UQCC1: variants seen among roughly 807,000 people sequenced by gnomAD.
The protein encoded by UQCC1 is ubiquinol-cytochrome c reductase complex assembly factor 1.
In UQCC1, 38 loss-of-function variants were observed where a neutral mutation model predicts 48.0. The ratio of observed to expected loss-of-function variants is 0.79; its 90% CI spans 0.61 to 1.04. UQCC1 has a LOEUF of 1.04. Among genes scored for constraint, UQCC1 ranks in the 50% least tolerant of loss-of-function variants. The pLI, the probability that UQCC1 is intolerant of heterozygous loss-of-function variation, is 0.00. For synonymous variants in UQCC1, 111 were observed against 129.2 expected (o/e 0.86, Z 0.95); for missense variants, 368 against 381.8 (o/e 0.96, Z 0.30).
intron 6 of UQCC1, among the ~76,000 whole-genome samples, chr20:35,356,453 A>G (rs1197416177): frequency 1.3e-5 from 2 of 152,252 alleles, no homozygotes; most frequent in Non-Finnish European, 2.9e-5. Flanking sequence ...AGAAAGAAAA[A>G]AAAAACTTAA....
At chr20:35,383,486 G>C (rs903462714) in intron 3 of UQCC1, among the ~76,000 whole-genome samples, 2 of 152,112 alleles carry the variant, frequency 1.3e-5, no homozygotes, top group Non-Finnish European at 1.5e-5. Context: ...GAGGTGGGAG[G>C]ATCACCTAAG....
chr20:35,306,091 A>G (rs2060925448), intron 9 of UQCC1, among the ~76,000 whole-genome samples: 1 of 152,120 alleles, frequency 6.6e-6, no homozygotes, highest in African/African-American at 2.4e-5. Flanking sequence ...CTATGTGGGT[A>G]AGCAGCCCCC....
At chr20:35,356,013 A>G (rs1157666345) in intron 6 of UQCC1, among the ~76,000 whole-genome samples, 9 of 151,760 alleles carry the variant, frequency 5.9e-5, no homozygotes, top group Non-Finnish European at 1.3e-4. Context: ...CCTCCCAAGT[A>G]GCTGGGACTT....
At chr20:35,373,537 G>C (rs1317780057) in intron 5 of UQCC1, among the ~76,000 whole-genome samples, 3 of 152,100 alleles carry the variant, frequency 2.0e-5, no homozygotes, top group Admixed American at 6.6e-5. Flanking sequence ...AAATTAGCTG[G>C]GTATGGTGGC....
chr20:35,385,933 C>CACAG (rs945115630), intron 2 of UQCC1, among the ~76,000 whole-genome samples: 4 of 151,040 alleles, frequency 2.6e-5, no homozygotes, highest in Non-Finnish European at 4.4e-5. Flanking sequence ...CCCCCACATG[C>CACAG]ACAGCCTCCC....
intron 1 of UQCC1, among the ~76,000 whole-genome samples, chr20:35,401,446 A>G (rs983793374): frequency 6.6e-6 from 1 of 152,162 alleles, no homozygotes; most frequent in Non-Finnish European, 1.5e-5. Flanking sequence ...CAGTATGAAA[A>G]CTGAAACAAG....
rs45459995 is a variant in UQCC1, at chr20:35,411,875, C to A, written c.24+65G>T. ...TGCGATTCCTTCCAATTCCTCCCGC[C>A]CTGCCTTGTCGAACTCCAACCCGGG... On this transcript the variant is annotated intron_variant, in intron 1 of 9. Coordinates refer to ENST00000374385, the MANE Select transcript of UQCC1 (RefSeq NM_018244.5). 3.1e-3 allele frequency: 4,965 copies of A among 1,606,732 alleles called. 7 individuals are homozygous for A. The highest frequency in any genetic ancestry group is 3.8e-3 in the Non-Finnish European group (4,506 of 1,173,468).
At chr20:35,329,844 T>C (rs970010512) in intron 7 of UQCC1, among the ~76,000 whole-genome samples, 53 of 152,352 alleles carry the variant, frequency 3.5e-4, no homozygotes, top group African/African-American at 1.3e-3. Context: ...CTGTATGTCT[T>C]ACTACTGCAA....
At chr20:35,367,883 C>T (rs972873815) in intron 5 of UQCC1, among the ~76,000 whole-genome samples, 1 of 152,146 alleles carries the variant, frequency 6.6e-6, no homozygotes, top group South Asian at 2.1e-4. Context: ...CCAGAAATGA[C>T]AAAACTGGGA....
At chr20:35,320,195 C>CT (rs1199135201) in intron 7 of UQCC1, among the ~76,000 whole-genome samples, 1 of 152,236 alleles carries the variant, frequency 6.6e-6, no homozygotes, top group Non-Finnish European at 1.5e-5. Flanking sequence ...AGTCTGCCCT[C>CT]TCCCCCATCT....
rs755944243 is a variant in UQCC1 at position 35,304,049 on chromosome 20, C to G, written c.786G>C (p.Met262Ile). Residue 262 changes from methionine to isoleucine, a missense_variant, in exon 10 of 10, where the codon ATG becomes ATC. By Grantham distance (10) the Met-to-Ile change is conservative. Coordinates refer to ENST00000374385, the MANE Select transcript of UQCC1 (RefSeq NM_018244.5). ...CTGTCAGAAGCAGATCCTCCCCGTT[C>G]ATGGAGTCCAGGTACTGTATCTGCA... ...VRKQIQYLDSMNGEDLLLTGE... is the reference protein window; with the variant it reads ...VRKQIQYLDSINGEDLLLTGE... 6.2e-7 allele frequency: 1 copy of G among 1,614,140 alleles called. No homozygotes were observed. The highest frequency in any genetic ancestry group is 8.5e-7 in the Non-Finnish European group (1 of 1,180,000).
At chr20:35,328,480 C>A (rs1364885311) in intron 7 of UQCC1, among the ~76,000 whole-genome samples, 1 of 152,176 alleles carries the variant, frequency 6.6e-6, no homozygotes, top group Non-Finnish European at 1.5e-5. Flanking sequence ...CCTCACAATG[C>A]TACAAGCGAT....
chr20:35,383,979 T>C (rs2061907040), intron 3 of UQCC1, 59 bp downstream of exon 3: 8 of 1,484,504 alleles, frequency 5.4e-6, no homozygotes, highest in Middle Eastern at 1.8e-4. Context: ...TTTGTTGAGA[T>C]CCAAAGAACA....
chr20:35,318,374 C>T (rs2061086423), intron 7 of UQCC1, among the ~76,000 whole-genome samples: 1 of 152,196 alleles, frequency 6.6e-6, no homozygotes, highest in African/African-American at 2.4e-5. Context: ...ATCTGCAGGG[C>T]ATTTCCAGAG....
Position 35,314,750 on chromosome 20 carries a change from G to T in UQCC1, c.589C>A (p.Leu197Met). ...GTCATGAGGATCATGTTCTTCTTCAGGATATAGGGATTAACCTACAGAAAC... is the reference window on the plus strand; with the variant it reads ...GTCATGAGGATCATGTTCTTCTTCATGATATAGGGATTAACCTACAGAAAC... ...GRVMGVNPYILKKNMILMTNH... is the reference protein window; with the variant it reads ...GRVMGVNPYIMKKNMILMTNH... Residue 197 changes from leucine to methionine, a missense_variant, in exon 8 of 10, where the codon CTG (leucine) becomes ATG (methionine). Physicochemically the swap from Leu to Met is conservative, Grantham distance 15. Coordinates refer to ENST00000374385, the MANE Select transcript of UQCC1 (RefSeq NM_018244.5). The T allele has an allele frequency of 6.2e-7, 1 of 1,603,190 alleles. No individual in the cohort carries two copies.
chr20:35,405,217 T>C (rs1434155127), intron 1 of UQCC1, among the ~76,000 whole-genome samples: 1 of 152,136 alleles, frequency 6.6e-6, no homozygotes, highest in Non-Finnish European at 1.5e-5. Flanking sequence ...TTTTAAGAAA[T>C]TTAACAGAAA....
At chr20:35,378,731 T>C (rs1204320385) in intron 4 of UQCC1, among the ~76,000 whole-genome samples, 1 of 152,232 alleles carries the variant, frequency 6.6e-6, no homozygotes, top group Non-Finnish European at 1.5e-5. Flanking sequence ...CAGTCAACCA[T>C]CTGGGCCTCT....
rs1600968303 is a variant in UQCC1, at chr20:35,372,604, G to A, written c.406+1580C>T. Among the ~76,000 whole-genome samples, 8 of 152,336 alleles carry A rather than the reference G, an allele frequency of 5.3e-5. No homozygotes were observed. In the South Asian group the frequency reaches 1.7e-3, roughly 32 times the overall value. On this transcript the variant is annotated intron_variant, in intron 5 of 9. Transcript: ENST00000374385. ...AGGCCAGGTCCCATGGCTCACGCCT[G>A]TAATCCGGAACTTTGGGTTGGGAGA...
chr20:35,328,869 G>A (rs766975696), intron 7 of UQCC1, among the ~76,000 whole-genome samples: 11 of 152,172 alleles, frequency 7.2e-5, no homozygotes, highest in South Asian at 2.1e-4. Flanking sequence ...CGTCTGTTTC[G>A]TGTGGAAGTG....
Sources: allele counts gnomAD v4.1 joint callset (sites outside exome capture counted in the v4.1 genomes callset), GRCh38; gene constraint gnomAD v4.1.1; transcripts MANE v1.5; gene names NCBI Gene and HGNC (gene_info 2026-07-23, HGNC 2026-07-21).